The following IL6R variants were observed in gnomAD, a reference collection of about 807,000 sequenced individuals.
IL6R encodes the protein interleukin 6 receptor.
IL6R carries 38 observed loss-of-function variants against 48.3 expected under a neutral mutation model. The observed-to-expected ratio is 0.79, with a 90% CI of 0.61 to 1.03. IL6R has a LOEUF of 1.03. Ranked by LOEUF, IL6R falls within the 50% of genes least tolerant of loss-of-function variation. The pLI, the probability that IL6R is intolerant of heterozygous loss-of-function variation, is 0.00. For synonymous variants in IL6R, 264 were observed against 256.2 expected, an observed-to-expected ratio of 1.03 and a Z score of -0.29; for missense variants, 534 against 618.3, an observed-to-expected ratio of 0.86 and a Z score of 1.45.
At chr1:154,454,304 C>A in intron 8 of IL6R, 184 bp from the exon 9 acceptor site, 1 of 598,964 alleles carries the variant, frequency 1.7e-6, no homozygotes. Flanking sequence ...AAACAAAAAA[C>A]AGTTAAGCTT....
At chr1:154,429,514 C>G in intron 2 of IL6R, 70 bp downstream of exon 2, 2 of 1,497,874 alleles carry the variant, frequency 1.3e-6, no homozygotes, top group Non-Finnish European at 1.8e-6. Flanking sequence ...TCCAGACAGT[C>G]CCTGTCTGAG....
Position 154,445,712 on chromosome 1 carries a change from A to T in IL6R, c.950-2413A>T, listed in dbSNP as rs546196149. Reference sequence around the variant, plus strand: ...TTGCAGTGAGCTGAGTTTGCGCCACAGCACTCCAGCCCAGGCGACAGAGCG... The same window carrying T: ...TTGCAGTGAGCTGAGTTTGCGCCACTGCACTCCAGCCCAGGCGACAGAGCG... On this transcript the variant is annotated intron_variant, in intron 6 of 9. Transcript: ENST00000368485. Among the ~76,000 whole-genome samples, 28 of 150,868 alleles carry T rather than the reference A, an allele frequency of 1.9e-4. No individual in the cohort carries two copies. In the South Asian group the frequency reaches 2.1e-3, roughly 11 times the overall value.
At chr1:154,408,904 G>A (rs1687879798) in intron 1 of IL6R, among the ~76,000 whole-genome samples, 1 of 152,070 alleles carries the variant, frequency 6.6e-6, no homozygotes, top group African/African-American at 2.4e-5. Context: ...CAGTACTTTG[G>A]GAGGCTGAGG....
Position 154,405,701 on chromosome 1 carries a change from C to G in IL6R, c.72C>G (p.Arg24=). 2.0e-6 allele frequency: 3 copies of G among 1,518,706 alleles called. No individual in the cohort carries two copies. The highest frequency in any genetic ancestry group is 2.6e-6 in the Non-Finnish European group (3 of 1,140,502). The allele number at this position is 1,518,706 out of a possible 1,614,324, so 94.1% of individuals were successfully genotyped here. A position where few individuals can be genotyped will look rare whatever the true frequency, so the allele number is the denominator to read the frequency against. ...CGGGAGCGGCGCTGGCCCCAAGGCG[C>G]TGCCCTGCGCAGGGTAAGGGCTTCG... ...AAPGAALAPR[R]CPAQEVARGV... is the part of the protein sequence containing the mutation. Residue 24 remains arginine, a synonymous_variant, in exon 1 of 10, where the codon CGC becomes CGG. Transcript: ENST00000368485. This position sits in a 1 kb window ranked among gnomAD's most constrained non-coding sequence, Gnocchi z 5.2.
chr1:154,420,727 G>C (rs1688614144), intron 1 of IL6R, among the ~76,000 whole-genome samples: 1 of 151,654 alleles, frequency 6.6e-6, no homozygotes, highest in Non-Finnish European at 1.5e-5. Flanking sequence ...ATAGAGACAG[G>C]GTTTCACCAT....
chr1:154,446,323 A>G (rs1049974600), intron 6 of IL6R, among the ~76,000 whole-genome samples: 3 of 151,912 alleles, frequency 2.0e-5, no homozygotes, highest in African/African-American at 7.3e-5. Context: ...GCATTCTTAT[A>G]CTTCCTCTGG....
In IL6R at chr1:154,465,403, C is replaced by T. The variant is rs768041705; in HGVS notation, c.*23C>T. On this transcript the variant is annotated 3_prime_UTR_variant, in exon 10 of 10. Coordinates refer to ENST00000368485, the MANE Select transcript of IL6R (RefSeq NM_000565.4). ...TAGCTGGCTGGGTGGCACCAGCAGC[C>T]TGGACCCTGTGGATGATAAAACACA... The T allele has an allele frequency of 1.9e-6, 3 of 1,613,510 alleles. No individual in the cohort carries two copies. The East Asian group carries it at 6.7e-5, about 36-fold the overall frequency.
chr1:154,410,481 G>C (rs913490935), intron 1 of IL6R, among the ~76,000 whole-genome samples: 3 of 152,184 alleles, frequency 2.0e-5, no homozygotes, highest in African/African-American at 7.2e-5. Context: ...GAACACCTAG[G>C]CTCAAGCAGT....
At chr1:154,449,386 G>A in intron 7 of IL6R, among the ~76,000 whole-genome samples, 1 of 152,098 alleles carries the variant, frequency 6.6e-6, no homozygotes, top group Non-Finnish European at 1.5e-5. Flanking sequence ...GGTGGCGCAT[G>A]CCTGTAATCC....
chr1:154,425,805 C>T (rs1484325229), intron 1 of IL6R, among the ~76,000 whole-genome samples: 9 of 149,814 alleles, frequency 6.0e-5, no homozygotes, highest in African/African-American at 2.2e-4. Flanking sequence ...AGCAGCCGGG[C>T]ACAGAGCCTC....
intron 5 of IL6R, 129 bp downstream of exon 5, chr1:154,435,285 G>A (rs571149701): frequency 5.3e-5 from 41 of 775,706 alleles, no homozygotes; most frequent in Admixed American, 5.3e-5. Flanking sequence ...CAAGGTGGGC[G>A]AATCACTTGA....
chr1:154,463,267 C>G (rs1691368019), intron 9 of IL6R, among the ~76,000 whole-genome samples: 1 of 151,942 alleles, frequency 6.6e-6, no homozygotes, highest in Admixed American at 6.6e-5. Context: ...TCAGTCCTTT[C>G]TTACAGGAGA....
At chr1:154,448,685 C>T (rs1242739327) in intron 7 of IL6R, among the ~76,000 whole-genome samples, 1 of 152,112 alleles carries the variant, frequency 6.6e-6, no homozygotes, top group Non-Finnish European at 1.5e-5. Context: ...GGCTCTTGAA[C>T]CTTATCTGTG....
Position 154,429,389 on chromosome 1 carries a change from C to A in IL6R, c.279C>A (p.Asn93Lys). The change falls in exon 2 of 10, where the codon AAC (asparagine) becomes AAA (lysine). Residue 93 changes from asparagine to lysine, a missense_variant. Coordinates refer to ENST00000368485, the MANE Select transcript of IL6R (RefSeq NM_000565.4). Reference protein sequence around the residue: ...LRSVQLHDSGNYSCYRAGRPA... With the variant: ...LRSVQLHDSGKYSCYRAGRPA... ...CGGTGCAGCTCCACGACTCTGGAAA[C>A]TATTCATGCTACCGGGCCGGCCGCC... 1.2e-6 allele frequency: 2 copies of A among 1,613,982 alleles called. No homozygotes were observed. The highest frequency in any genetic ancestry group is 1.7e-6 in the Non-Finnish European group (2 of 1,179,906).
intron 1 of IL6R, among the ~76,000 whole-genome samples, chr1:154,413,184 T>A (rs964555534): frequency 3.3e-5 from 5 of 152,128 alleles, no homozygotes; most frequent in Non-Finnish European, 7.4e-5. Context: ...GTATTTTTAG[T>A]AGAGATGGGG....
chr1:154,457,372 T>C (rs980652635), intron 9 of IL6R, among the ~76,000 whole-genome samples: 5 of 148,014 alleles, frequency 3.4e-5, no homozygotes, highest in African/African-American at 2.5e-5. Context: ...GAAAGTAACA[T>C]TGGAGAAGCA....
chr1:154,434,466 T>G, intron 3 of IL6R, 53 bp from the exon 4 acceptor site: 2 of 1,531,642 alleles, frequency 1.3e-6, no homozygotes, highest in Non-Finnish European at 1.8e-6. Context: ...TGTCCCGTCT[T>G]GAGTCTGTGC....
At chr1:154,446,658 G>T (rs1570985001) in intron 6 of IL6R, among the ~76,000 whole-genome samples, 1 of 152,160 alleles carries the variant, frequency 6.6e-6, no homozygotes, top group Non-Finnish European at 1.5e-5. Context: ...CCCGTGCAGG[G>T]GGAGGGAGCC....
intron 3 of IL6R, among the ~76,000 whole-genome samples, chr1:154,432,222 A>G (rs1194913976): frequency 6.6e-6 from 1 of 152,238 alleles, no homozygotes; most frequent in Non-Finnish European, 1.5e-5. Flanking sequence ...TTCACAGCCC[A>G]GCAAAGGATA....
Sources: allele counts gnomAD v4.1 joint callset (sites outside exome capture counted in the v4.1 genomes callset), GRCh38; gene constraint gnomAD v4.1.1; non-coding constraint Gnocchi (gnomAD v3.1); transcripts MANE v1.5; gene names NCBI Gene and HGNC (gene_info 2026-07-23, HGNC 2026-07-21).